The following DCAF6 variants were observed in gnomAD, a reference collection of about 807,000 sequenced individuals.
The protein encoded by DCAF6 is DDB1 and CUL4 associated factor 6, also known as DDB1- and CUL4-associated factor 6.
Under a neutral mutation model 125.1 loss-of-function variants are expected in DCAF6, and 54 were observed. The observed-to-expected ratio is 0.43, with a 90% CI of 0.35 to 0.54. The LOEUF is 0.54. DCAF6 is among the 20% of genes least tolerant of loss of function. The probability of loss-of-function intolerance (pLI) is 0.01; values close to 1 mark genes in which losing one functional copy is unlikely to be tolerated. For missense variants in DCAF6, 934 were observed against 1,161.7 expected (o/e 0.80, Z 2.85); for synonymous variants, 371 against 390.4 (o/e 0.95, Z 0.58).
chr1:167,942,073 T>C (rs762095708), intron 1 of DCAF6, among the ~76,000 whole-genome samples: 4 of 152,222 alleles, frequency 2.6e-5, no homozygotes, highest in Non-Finnish European at 4.4e-5. Context: ...ATTTCTCTTT[T>C]TTTGTTTTTG....
chr1:167,872,346 A>G, the DCAF6 span, among the ~76,000 whole-genome samples: 38 of 148,292 alleles, frequency 2.6e-4, no homozygotes, highest in African/African-American at 9.1e-4. Flanking sequence ...CTCAAAAAAA[A>G]TAAAGTTTCC....
intron 4 of DCAF6, among the ~76,000 whole-genome samples, chr1:167,985,186 T>G (rs1411491849): frequency 2.3e-5 from 3 of 132,894 alleles, no homozygotes; most frequent in African/African-American, 3.6e-5. Context: ...AACCACGTCG[T>G]GTGTGTGTGT....
chr1:167,986,730 C>T (rs1680057162), intron 4 of DCAF6, among the ~76,000 whole-genome samples: 1 of 152,148 alleles, frequency 6.6e-6, no homozygotes, highest in South Asian at 2.1e-4. Flanking sequence ...AATGCTCGCT[C>T]ACCTGCTGCT....
chr1:167,987,310 AC>A (rs2102984891), intron 4 of DCAF6, among the ~76,000 whole-genome samples, 184 bp from the exon 5 acceptor site: 1 of 152,318 alleles, frequency 6.6e-6, no homozygotes, highest in Admixed American at 6.5e-5. Flanking sequence ...TTCAACAATT[AC>A]TTCTTATCTA....
At chr1:167,894,171 G>A in the DCAF6 span, among the ~76,000 whole-genome samples, 1 of 152,188 alleles carries the variant, frequency 6.6e-6, no homozygotes, top group African/African-American at 2.4e-5. Context: ...TCAAAACCTT[G>A]TTCAAACTGA....
At chr1:167,992,927 C>T (rs185461453) in intron 6 of DCAF6, among the ~76,000 whole-genome samples, 3 of 152,162 alleles carry the variant, frequency 2.0e-5, no homozygotes, top group Admixed American at 2.0e-4. Context: ...AAGATGACTT[C>T]GTGTGATTGT....
At chr1:167,975,165 G>A (rs1446246969) in intron 4 of DCAF6, 150 bp downstream of exon 4, 2 of 453,856 alleles carry the variant, frequency 4.4e-6, no homozygotes, top group East Asian at 3.6e-5. Flanking sequence ...CTAGGTGTCA[G>A]CAGAGCATTT....
chr1:167,868,590 G>A, the DCAF6 span, among the ~76,000 whole-genome samples: 2 of 151,586 alleles, frequency 1.3e-5, no homozygotes, highest in Admixed American at 6.6e-5. Context: ...TACTGGATAC[G>A]TGGACATAGA....
upstream of DCAF6, among the ~76,000 whole-genome samples, chr1:167,935,429 T>G (rs548398942): frequency 6.6e-6 from 1 of 152,188 alleles, no homozygotes; most frequent in East Asian, 1.9e-4. Context: ...CCCAGACAGT[T>G]TGGTGGCCGC....
intron 12 of DCAF6, among the ~76,000 whole-genome samples, chr1:168,036,596 A>T (rs967349453): frequency 1.3e-5 from 2 of 152,252 alleles, no homozygotes; most frequent in African/African-American, 4.8e-5. Flanking sequence ...TCTCAGTAAC[A>T]TAACTAAAGA....
At chr1:167,924,342 A>C in the DCAF6 span, 1 of 548,338 alleles carries the variant, frequency 1.8e-6, no homozygotes, top group African/African-American at 2.0e-5. Flanking sequence ...TGCTTTATGT[A>C]GAAAACGATA....
intron 17 of DCAF6, among the ~76,000 whole-genome samples, chr1:168,062,536 C>G (rs947712731): frequency 6.6e-6 from 1 of 151,984 alleles, no homozygotes; most frequent in Non-Finnish European, 1.5e-5. Flanking sequence ...ATAAAAAGAT[C>G]AGTTTTTTGT....
the DCAF6 span, among the ~76,000 whole-genome samples, chr1:167,871,882 T>G: frequency 2.8e-4 from 43 of 152,346 alleles, 1 homozygote; most frequent in East Asian, 6.4e-3. Context: ...GTGTTTTTCT[T>G]TGGCCTGAAT....
intron 16 of DCAF6, among the ~76,000 whole-genome samples, chr1:168,048,548 C>T (rs552329462): frequency 7.9e-5 from 12 of 152,092 alleles, no homozygotes; most frequent in African/African-American, 2.7e-4. Context: ...AAATAAATGA[C>T]CCAGGTTTTC....
upstream of DCAF6, among the ~76,000 whole-genome samples, chr1:167,931,095 C>A (rs1350487227): frequency 1.3e-5 from 2 of 152,176 alleles, no homozygotes; most frequent in Non-Finnish European, 1.5e-5. Flanking sequence ...CCATGCCCAG[C>A]TAAATTTCGT....
intron 10 of DCAF6, among the ~76,000 whole-genome samples, chr1:168,011,905 A>G: frequency 6.6e-6 from 1 of 152,130 alleles, no homozygotes; most frequent in East Asian, 1.9e-4. Context: ...CCCAGTAGGC[A>G]GAGGTTGCAG....
chr1:167,920,162 A>G, the DCAF6 span: 1 of 922,344 alleles, frequency 1.1e-6, no homozygotes, highest in Non-Finnish European at 1.7e-6. Flanking sequence ...CTTAATATTG[A>G]GTAAAGTAAT....
chr1:168,000,334 G>GA (rs1682413778), intron 7 of DCAF6, among the ~76,000 whole-genome samples: 1 of 152,028 alleles, frequency 6.6e-6, no homozygotes, highest in Non-Finnish European at 1.5e-5. Flanking sequence ...GAGAATTACT[G>GA]AAATGTGACA....
intron 12 of DCAF6, 55 bp from the exon 13 acceptor site, chr1:168,038,316 T>G (rs1214235596): frequency 3.9e-6 from 5 of 1,293,982 alleles, no homozygotes; most frequent in Non-Finnish European, 5.5e-6. Context: ...TTAGGAAATG[T>G]CATCTTTTTA....
Sources: allele counts gnomAD v4.1 joint callset (sites outside exome capture counted in the v4.1 genomes callset), GRCh38; gene constraint gnomAD v4.1.1; transcripts MANE v1.5; gene names NCBI Gene and HGNC (gene_info 2026-07-23, HGNC 2026-07-21).